RBFOX3: variants seen among roughly 807,000 people sequenced by gnomAD.
The protein encoded by RBFOX3 is RNA binding fox-1 homolog 3, also known as RNA binding protein fox-1 homolog 3.
Under a neutral mutation model 48.7 loss-of-function variants are expected in RBFOX3, and 17 were observed. That is an observed-to-expected ratio of 0.35 (90% CI 0.24 to 0.52). The LOEUF is 0.52. Among genes scored for constraint, RBFOX3 ranks in the 20% least tolerant of loss-of-function variants. The pLI is 0.94. For missense variants in RBFOX3, 382 were observed against 497.5 expected, an observed-to-expected ratio of 0.77 and a Z score of 2.21; for synonymous variants, 212 against 209.5, an observed-to-expected ratio of 1.01 and a Z score of -0.10.
Position 79,095,505 on chromosome 17 carries a change from G to A in RBFOX3, c.998+8C>T, listed in dbSNP as rs985551378. ...CTGCTCCAGAACAGTGCTGGCCCCC[G>A]GCCTCACCTGTCGCTGTAGGCTGCC... is the stretch of plus-strand genomic sequence containing the variant. On this transcript the variant is annotated splice_region_variant and intron_variant, in intron 13 of 14. Transcript: ENST00000693108. 8 of 1,550,930 alleles carry A rather than the reference G, an allele frequency of 5.2e-6. No individual in the cohort carries two copies. Among genetic ancestry groups the A allele is most frequent in the Non-Finnish European group, 4.4e-6 (5 of 1,146,466 alleles).
intron 4 of RBFOX3, among the ~76,000 whole-genome samples, chr17:79,157,259 G>C (rs991346619): frequency 6.6e-6 from 1 of 152,146 alleles, no homozygotes; most frequent in South Asian, 2.1e-4. Context: ...CTGGCCTGGC[G>C]TCCATCAGCA....
intron 4 of RBFOX3, among the ~76,000 whole-genome samples, chr17:79,200,647 G>A (rs2056609849): frequency 6.6e-6 from 1 of 152,164 alleles, no homozygotes; most frequent in South Asian, 2.1e-4. Flanking sequence ...TCACGTCTCT[G>A]GGGAGTTGAG....
At chr17:79,655,919 G>A in the RBFOX3 span, among the ~76,000 whole-genome samples, 1 of 152,104 alleles carries the variant, frequency 6.6e-6, no homozygotes, top group Admixed American at 6.5e-5. Flanking sequence ...CCAGCCCCTA[G>A]TCCTGCTTAC....
chr17:79,164,931 C>T (rs1293131925), intron 4 of RBFOX3, among the ~76,000 whole-genome samples: 2 of 152,258 alleles, frequency 1.3e-5, no homozygotes, highest in African/African-American at 2.4e-5. Context: ...TTTCACTCAT[C>T]TTTCCACCCT....
rs2057383067 is a variant in RBFOX3, at chr17:79,205,678, T to C, written c.-34+30088A>G. ...CCAGATGAATCAGAGTGGGTGATGG[T>C]GGATTACTGGAAACTTCACCAAGCA... On this transcript the variant is annotated intron_variant, in intron 4 of 14. Transcript: ENST00000693108. The surrounding 1 kb of genome is among the most constrained non-coding windows in gnomAD (Gnocchi z 4.5). 6.6e-6 allele frequency among the ~76,000 whole-genome samples: 1 copy of C among 152,132 alleles called. No homozygotes were observed. Among genetic ancestry groups the C allele is most frequent in the Admixed American group, 6.6e-5 (1 of 15,264 alleles).
At position 79,437,096 on chromosome 17, in the gene RBFOX3, G is replaced by A. The variant is rs1415921762; in HGVS notation, c.-175+45358C>T. 2.6e-5 allele frequency among the ~76,000 whole-genome samples: 4 copies of A among 152,156 alleles called. No homozygotes were observed. The East Asian group carries it at 7.7e-4, about 29-fold the overall frequency. On this transcript the variant is annotated intron_variant, in intron 2 of 14. Coordinates refer to ENST00000693108, the MANE Select transcript of RBFOX3 (RefSeq NM_001350451.2). ...CCAACAGGGACCTTTGAGTGCTCAG[G>A]AGGGTCTCTGGGGTCTGCCTTTGAG... is the stretch of plus-strand genomic sequence containing the variant.
chr17:79,118,992 A>AAGG (rs1414417707), intron 4 of RBFOX3, among the ~76,000 whole-genome samples: 1 of 143,036 alleles, frequency 7.0e-6, no homozygotes, highest in Admixed American at 6.9e-5. Context: ...AAAAAAAAAA[A>AAGG]ATAAAGAAAA....
chr17:79,177,636 C>G (rs542873024), intron 4 of RBFOX3, among the ~76,000 whole-genome samples: 1 of 152,140 alleles, frequency 6.6e-6, no homozygotes, highest in African/African-American at 2.4e-5. Context: ...TGGGACAGGT[C>G]GGGATGGGCA....
chr17:79,542,782 C>A (rs1243607193), intron 1 of RBFOX3, among the ~76,000 whole-genome samples: 1 of 152,092 alleles, frequency 6.6e-6, no homozygotes, highest in African/African-American at 2.4e-5. Context: ...GACTCCATCT[C>A]AAAATAAAAG....
In RBFOX3 at chr17:79,252,770, T is replaced by A. The variant is rs113432813; in HGVS notation, c.-73-16965A>T. Among the ~76,000 whole-genome samples the A allele has an allele frequency of 1.6e-4, 24 of 152,226 alleles. No individual in the cohort carries two copies. The highest frequency in any genetic ancestry group is 5.1e-4 in the African/African-American group (21 of 41,538). Reference sequence around the variant, plus strand: ...AGCCAACTGCCCCTCTCAATGCCCCTCTCCTTTCCCTTCCTTTTTGGGTCT... The same window carrying A: ...AGCCAACTGCCCCTCTCAATGCCCCACTCCTTTCCCTTCCTTTTTGGGTCT... On this transcript the variant is annotated intron_variant, in intron 3 of 14. Coordinates refer to ENST00000693108, the MANE Select transcript of RBFOX3 (RefSeq NM_001350451.2). This position sits in a 1 kb window ranked among gnomAD's most constrained non-coding sequence, Gnocchi z 4.0.
At chr17:79,376,770 G>A (rs1382197921) in intron 2 of RBFOX3, among the ~76,000 whole-genome samples, 4 of 152,094 alleles carry the variant, frequency 2.6e-5, no homozygotes, top group Non-Finnish European at 5.9e-5. Flanking sequence ...AGGGGGATGG[G>A]GGTGCTTCTT....
At position 79,096,689 on chromosome 17, in the gene RBFOX3, G is replaced by A. The variant is rs568926867; in HGVS notation, c.900C>T (p.Val300=). ...CACCATAAAATCCATCCTGATACAC[G>A]ACCCTGGAAGCAAACGGACAAGAAA... is the stretch of plus-strand genomic sequence containing the variant. ...PPLSCPFASR[V]VYQDGFYGAE... is the part of the protein sequence containing the mutation. Residue 300 remains valine, a synonymous_variant, in exon 12 of 15, where the codon GTC becomes GTT. Transcript: ENST00000693108. 1 of 1,510,980 alleles carries A rather than the reference G, an allele frequency of 6.6e-7. No homozygotes were observed. The highest frequency in any genetic ancestry group is 2.0e-5 in the Admixed American group (1 of 49,598). The allele number at this position is 1,510,980 out of a possible 1,614,324, so 93.6% of individuals were successfully genotyped here. A position where few individuals can be genotyped will look rare whatever the true frequency, so the allele number is the denominator to read the frequency against.
chr17:79,396,996 G>A (rs1231707704), intron 2 of RBFOX3, among the ~76,000 whole-genome samples: 1 of 152,222 alleles, frequency 6.6e-6, no homozygotes, highest in East Asian at 1.9e-4. Flanking sequence ...AAGCCGCAGA[G>A]CCTGAATCTT....
chr17:79,365,147 T>A (rs1055627533), intron 2 of RBFOX3, among the ~76,000 whole-genome samples: 21 of 148,454 alleles, frequency 1.4e-4, no homozygotes, highest in African/African-American at 3.7e-4. Context: ...ACACACACAC[T>A]CTCTCATGCA....
chr17:79,376,821 G>A (rs2059279632), intron 2 of RBFOX3, among the ~76,000 whole-genome samples: 2 of 152,234 alleles, frequency 1.3e-5, no homozygotes, highest in South Asian at 2.1e-4. Flanking sequence ...TGGAGACATC[G>A]TGAGCACAAG....
At chr17:79,271,550 C>G (rs1407796966) in intron 3 of RBFOX3, among the ~76,000 whole-genome samples, 1 of 152,214 alleles carries the variant, frequency 6.6e-6, no homozygotes, top group African/African-American at 2.4e-5. Flanking sequence ...CCTCCCAAGG[C>G]ATGCTGGAGC....
intron 1 of RBFOX3, chr17:79,601,956 T>C (rs2145366604): frequency 6.6e-6 from 1 of 152,358 alleles, no homozygotes; most frequent in Non-Finnish European, 1.5e-5. Context: ...CAAGCAGACG[T>C]ATTTTCCAAC....
intron 2 of RBFOX3, among the ~76,000 whole-genome samples, chr17:79,379,189 G>T (rs1018160188): frequency 2.0e-5 from 3 of 152,202 alleles, no homozygotes; most frequent in Non-Finnish European, 4.4e-5. Flanking sequence ...CCATGCGCTT[G>T]CTTATTTGTG....
chr17:79,255,036 T>G (rs1189381521), intron 3 of RBFOX3, among the ~76,000 whole-genome samples: 1 of 152,088 alleles, frequency 6.6e-6, no homozygotes. Flanking sequence ...CCTTGCTGGC[T>G]TCCTGCCCCC....
Sources: allele counts gnomAD v4.1 joint callset (sites outside exome capture counted in the v4.1 genomes callset), GRCh38; gene constraint gnomAD v4.1.1; non-coding constraint Gnocchi (gnomAD v3.1); transcripts MANE v1.5; gene names NCBI Gene and HGNC (gene_info 2026-07-23, HGNC 2026-07-21).